ARHGAP26: variants seen among roughly 807,000 people sequenced by gnomAD.
The protein encoded by ARHGAP26 is Rho GTPase activating protein 26.
In ARHGAP26, 38 loss-of-function variants were observed where a neutral mutation model predicts 104.8. The observed-to-expected ratio is 0.36, with a 90% CI of 0.28 to 0.48. The LOEUF is 0.48. Ranked by LOEUF, ARHGAP26 falls within the 20% of genes least tolerant of loss-of-function variation. The pLI, the probability that ARHGAP26 is intolerant of heterozygous loss-of-function variation, is 0.99. For missense variants in ARHGAP26, 704 were observed against 947.9 expected (o/e 0.74, Z 3.38); for synonymous variants, 341 against 340.0 (o/e 1.00, Z -0.03).
At chr5:142,880,126 C>G (rs1294229570) in intron 4 of ARHGAP26, among the ~76,000 whole-genome samples, 1 of 152,194 alleles carries the variant, frequency 6.6e-6, no homozygotes, top group African/African-American at 2.4e-5. Context: ...GGGACTGTAG[C>G]CTAAGCTTGA....
chr5:143,183,146 G>C (rs1383696711), intron 20 of ARHGAP26, among the ~76,000 whole-genome samples: 2 of 151,138 alleles, frequency 1.3e-5, no homozygotes, highest in Non-Finnish European at 2.9e-5. Flanking sequence ...AATTTCGGCT[G>C]TTCTTGGTGG....
At chr5:143,190,934 A>G (rs1805835601) in intron 20 of ARHGAP26, among the ~76,000 whole-genome samples, 1 of 152,248 alleles carries the variant, frequency 6.6e-6, no homozygotes, top group African/African-American at 2.4e-5. Flanking sequence ...GTCAGACACA[A>G]AAGACCACAC....
At chr5:143,057,924 C>T (rs1271703085) in intron 17 of ARHGAP26, 177 bp downstream of exon 17, 2 of 712,580 alleles carry the variant, frequency 2.8e-6, no homozygotes, top group African/African-American at 3.5e-5. Flanking sequence ...CAGCAAATGC[C>T]AGATGGCCTT....
intron 12 of ARHGAP26, among the ~76,000 whole-genome samples, chr5:143,022,047 A>G (rs1024066627): frequency 6.6e-6 from 1 of 151,714 alleles, no homozygotes; most frequent in Non-Finnish European, 1.5e-5. Flanking sequence ...GGGGGAACAT[A>G]AGTTCTCTGA....
intron 1 of ARHGAP26, among the ~76,000 whole-genome samples, chr5:142,843,486 C>T (rs966918817): frequency 5.9e-5 from 9 of 152,188 alleles, no homozygotes; most frequent in African/African-American, 2.2e-4. Context: ...GTGCTTACTC[C>T]GTGCCAGACA....
intron 11 of ARHGAP26, among the ~76,000 whole-genome samples, chr5:142,938,463 T>G (rs1765774743): frequency 6.6e-6 from 1 of 152,202 alleles, no homozygotes; most frequent in Non-Finnish European, 1.5e-5. Flanking sequence ...TAGTTCAGAC[T>G]GCATAAATAC....
At chr5:143,168,445 CTTTTTTTTTTTTTTTTTTTT>C (rs10610584) in intron 20 of ARHGAP26, 2 of 25,670 alleles carry the variant, frequency 7.8e-5, no homozygotes, top group African/African-American at 2.9e-4. Context: ...ATCTGGAACT[CTTTTTTTTTTTTTTTTTTTT>C]TTTTTTTTTT....
intron 18 of ARHGAP26, among the ~76,000 whole-genome samples, chr5:143,123,617 T>G (rs942409648): frequency 6.6e-6 from 1 of 152,172 alleles, no homozygotes; most frequent in South Asian, 2.1e-4. Flanking sequence ...TTTGGGAGGC[T>G]AAGGTGGGAG....
intron 11 of ARHGAP26, among the ~76,000 whole-genome samples, chr5:142,943,601 A>G (rs1766693217): frequency 6.6e-6 from 1 of 152,220 alleles, no homozygotes. Flanking sequence ...TTTGCAACAC[A>G]TGAAATTTTT....
At chr5:142,948,177 T>G (rs1767454132) in intron 11 of ARHGAP26, among the ~76,000 whole-genome samples, 1 of 152,116 alleles carries the variant, frequency 6.6e-6, no homozygotes, top group South Asian at 2.1e-4. Context: ...TCTTAGTAAT[T>G]TTTAGTATAT....
intron 1 of ARHGAP26, among the ~76,000 whole-genome samples, chr5:142,774,409 A>G (rs1235385357): frequency 1.3e-5 from 2 of 151,342 alleles, no homozygotes. Context: ...TAAATCATTA[A>G]TGGACTTTTT....
intron 11 of ARHGAP26, among the ~76,000 whole-genome samples, chr5:142,948,627 A>G (rs1485707486): frequency 6.6e-6 from 1 of 151,450 alleles, no homozygotes; most frequent in African/African-American, 2.4e-5. Flanking sequence ...ATTTCCTGAG[A>G]CAATTCCTAT....
In ARHGAP26 at chr5:143,225,948, C is replaced by G; in HGVS notation, c.*3502C>G. On this transcript the variant is annotated 3_prime_UTR_variant, in exon 23 of 23. Coordinates refer to ENST00000645722, the MANE Select transcript of ARHGAP26 (RefSeq NM_001135608.3). Reference sequence around the variant, plus strand: ...TTGAAGACTAAAGATTTTACTCTCTCCCCTATCCATGCCCCCTACCTCTGA... The same window carrying G: ...TTGAAGACTAAAGATTTTACTCTCTGCCCTATCCATGCCCCCTACCTCTGA... 1 of 219,544 alleles carries G rather than the reference C, an allele frequency of 4.6e-6. No homozygotes were observed. The highest frequency in any genetic ancestry group is 6.7e-5 in the East Asian group (1 of 15,000). 13.6% of individuals were successfully genotyped at this position (219,544 alleles called of 1,614,324 possible).
At chr5:143,071,424 A>G (rs980877935) in intron 17 of ARHGAP26, among the ~76,000 whole-genome samples, 2 of 152,264 alleles carry the variant, frequency 1.3e-5, no homozygotes, top group African/African-American at 4.8e-5. Context: ...GATAATCCAC[A>G]TGCAGAAGAA....
At chr5:143,205,460 G>A (rs77896271) in intron 20 of ARHGAP26, among the ~76,000 whole-genome samples, 2,035 of 152,314 alleles carry the variant, frequency 0.013, 55 homozygotes, top group African/African-American at 0.046. Flanking sequence ...AATATGTTGA[G>A]TCTTATTGTG....
chr5:143,184,232 T>TCTG (rs1483286263), intron 20 of ARHGAP26, among the ~76,000 whole-genome samples: 6 of 152,234 alleles, frequency 3.9e-5, no homozygotes, highest in Non-Finnish European at 8.8e-5. Context: ...TGTCCCTTCC[T>TCTG]GCCCATTAGG....
At chr5:143,058,041 A>G (rs1786109524) in intron 17 of ARHGAP26, 1 of 587,582 alleles carries the variant, frequency 1.7e-6, no homozygotes, top group Admixed American at 2.2e-5. Flanking sequence ...GTTGTCCATG[A>G]TACCAGGTCA....
At chr5:142,942,897 C>T (rs1248549962) in intron 11 of ARHGAP26, among the ~76,000 whole-genome samples, 1 of 152,190 alleles carries the variant, frequency 6.6e-6, no homozygotes, top group African/African-American at 2.4e-5. Flanking sequence ...TTTCCTGCCT[C>T]AGCCTCTGAG....
At position 143,121,058 on chromosome 5, in the gene ARHGAP26, C is replaced by T; in HGVS notation, c.1609C>T (p.Leu537=). The T allele has an allele frequency of 6.2e-7, 1 of 1,613,794 alleles. No homozygotes were observed. Among genetic ancestry groups the T allele is most frequent in the Non-Finnish European group, 8.5e-7 (1 of 1,179,788 alleles). Residue 537 remains leucine (L), a synonymous_variant, in exon 18 of 23, where the codon CTG becomes TTG. Coordinates refer to ENST00000645722, the MANE Select transcript of ARHGAP26 (RefSeq NM_001135608.3). ...NLGVVFGPTL[L]RPQEETVAAI... ...TGGTGTGGTGTTTGGACCCACTCTG[C>T]TGAGGCCTCAGGAAGAAACAGTAGC...
Sources: allele counts gnomAD v4.1 joint callset (sites outside exome capture counted in the v4.1 genomes callset), GRCh38; gene constraint gnomAD v4.1.1; transcripts MANE v1.5; gene names NCBI Gene and HGNC (gene_info 2026-07-23, HGNC 2026-07-21).